The following DIP2A variants were observed in gnomAD, a reference collection of about 807,000 sequenced individuals.
The protein encoded by DIP2A is DIP2 acetate--CoA ligase A.
A neutral mutation model predicts 177.4 loss-of-function variants in DIP2A; 85 were observed. The ratio of observed to expected loss-of-function variants is 0.48; its 90% CI spans 0.40 to 0.57. The LOEUF is 0.57. DIP2A is among the 20% of genes least tolerant of loss of function. The pLI is 0.00. For synonymous variants in DIP2A, 886 were observed against 881.8 expected (o/e 1.00, Z -0.08); for missense variants, 1,791 against 2,100.2 (o/e 0.85, Z 2.88).
rs1332810508 is a variant in DIP2A, at chr21:46,563,112, A to G, written c.4090-746A>G. On this transcript the variant is annotated intron_variant, in intron 34 of 37. Coordinates refer to ENST00000417564, the MANE Select transcript of DIP2A (RefSeq NM_015151.4). This position sits in a 1 kb window ranked among gnomAD's most constrained non-coding sequence, Gnocchi z 4.3. ...GGGCTCAGCTGGGACATGCAGGGAG[A>G]AGATGGAGGCTCCAACAGCATCTGG... is the stretch of plus-strand genomic sequence containing the variant. 6.6e-6 allele frequency among the ~76,000 whole-genome samples: 1 copy of G among 151,984 alleles called. No homozygotes were observed. Among genetic ancestry groups the G allele is most frequent in the Non-Finnish European group, 1.5e-5 (1 of 67,990 alleles).
intron 1 of DIP2A, among the ~76,000 whole-genome samples, chr21:46,477,543 TTGTG>T (rs1555874551): frequency 2.3e-5 from 2 of 87,132 alleles, no homozygotes; most frequent in East Asian, 3.4e-4. Context: ...AAAAAAAGAT[TTGTG>T]TGTGTGTGTG....
intron 22 of DIP2A, 149 bp from the exon 23 acceptor site, chr21:46,550,394 C>T: frequency 1.4e-6 from 1 of 725,198 alleles, no homozygotes; most frequent in Non-Finnish European, 2.3e-6. Context: ...TTCTCTTCAT[C>T]TTGTTTCCTC....
chr21:46,521,175 A>G (rs980260211), intron 8 of DIP2A, among the ~76,000 whole-genome samples: 8 of 152,288 alleles, frequency 5.3e-5, no homozygotes, highest in African/African-American at 1.9e-4. Context: ...AAGGCAAACA[A>G]AAATCTTTGT....
At chr21:46,508,180 C>T (rs995449282) in intron 6 of DIP2A, among the ~76,000 whole-genome samples, 2 of 151,764 alleles carry the variant, frequency 1.3e-5, no homozygotes, top group Non-Finnish European at 2.9e-5. Context: ...ACTGCAGGCA[C>T]AAGCCACCAC....
downstream of DIP2A, among the ~76,000 whole-genome samples, chr21:46,571,788 G>A (rs2060970493): frequency 6.6e-6 from 1 of 152,194 alleles, no homozygotes; most frequent in Non-Finnish European, 1.5e-5. Context: ...ATCAGAGTAA[G>A]GAGATTTTGG....
chr21:46,488,107 G>A (rs900485127), intron 2 of DIP2A, among the ~76,000 whole-genome samples: 3 of 152,136 alleles, frequency 2.0e-5, no homozygotes, highest in Admixed American at 6.5e-5. Flanking sequence ...CAGAGTACAC[G>A]ACCCAGTCAG....
At chr21:46,571,978 G>A (rs566485120), downstream of DIP2A, among the ~76,000 whole-genome samples, 33 of 152,180 alleles carry the variant, frequency 2.2e-4, no homozygotes, top group Middle Eastern at 3.4e-3. Flanking sequence ...GTCTTGTGCC[G>A]GTTTTCAAAG....
At chr21:46,477,539 A>G (rs1312501151) in intron 1 of DIP2A, among the ~76,000 whole-genome samples, 1 of 32,534 alleles carries the variant, frequency 3.1e-5, no homozygotes, top group Non-Finnish European at 6.0e-5. Context: ...ATAAAAAAAA[A>G]GATTTGTGTG....
chr21:46,484,935 T>C lies in DIP2A; in HGVS notation c.163+107T>C, dbSNP rs533351735. On this transcript the variant is annotated intron_variant, in intron 2 of 37. Coordinates refer to ENST00000417564, the MANE Select transcript of DIP2A (RefSeq NM_015151.4). ...CATTTGTTAGCAATGTTAAACCAAC[T>C]TTAAACACTGGTATATGTTGATTAT... The C allele has an allele frequency of 1.9e-5, 20 of 1,049,144 alleles. No individual in the cohort carries two copies. In the South Asian group the frequency reaches 2.9e-4, roughly 15 times the overall value. 65.0% of individuals were successfully genotyped at this position (1,049,144 alleles called of 1,614,324 possible).
chr21:46,504,569 T>G, intron 6 of DIP2A, 80 bp downstream of exon 6: 2 of 1,484,568 alleles, frequency 1.3e-6, no homozygotes, highest in Non-Finnish European at 1.8e-6. Context: ...CTTTAATGTA[T>G]TCACTGTAGC....
rs767575862 is a variant in DIP2A at position 46,550,673 on chromosome 21, A to T, written c.2768A>T (p.His923Leu). The T allele has an allele frequency of 1.2e-6, 2 of 1,613,910 alleles. No homozygotes were observed. The highest frequency in any genetic ancestry group is 2.2e-5 in the South Asian group (2 of 91,058). ...TKQRFLEGTL[H>L]PCNVLMCPHT... ...CAGCGCTTTCTGGAAGGGACGCTGC[A>T]CCCGTGTAATGTGCTGATGTGCCCT... The change falls in exon 23 of 38, where the codon CAC (histidine) becomes CTC (leucine). Residue 923 changes from histidine to leucine, a missense_variant. Transcript: ENST00000417564.
chr21:46,533,402 C>G, intron 10 of DIP2A, 122 bp from the exon 11 acceptor site: 1 of 1,203,402 alleles, frequency 8.3e-7, no homozygotes, highest in South Asian at 1.8e-5. Flanking sequence ...CTGAATTATT[C>G]TGGAAGTTTT....
intron 1 of DIP2A, among the ~76,000 whole-genome samples, chr21:46,470,062 G>T (rs1439205197): frequency 6.6e-6 from 1 of 152,232 alleles, no homozygotes; most frequent in East Asian, 1.9e-4. Flanking sequence ...TTCAGGCCAG[G>T]TGCGGTGGCT....
chr21:46,503,465 G>T (rs959402531), intron 5 of DIP2A, among the ~76,000 whole-genome samples: 1 of 151,948 alleles, frequency 6.6e-6, no homozygotes. Flanking sequence ...ACTTTTTTGG[G>T]GGTTGTAGTA....
intron 37 of DIP2A, among the ~76,000 whole-genome samples, 170 bp downstream of exon 37, chr21:46,566,853 A>G (rs9976818): frequency 0.13 from 19,744 of 152,234 alleles, 1,794 homozygotes; most frequent in African/African-American, 0.26. Context: ...GATGAGCCCT[A>G]TCTACCTTGG....
intron 2 of DIP2A, among the ~76,000 whole-genome samples, chr21:46,488,355 C>A (rs1004567059): frequency 6.6e-6 from 1 of 152,060 alleles, no homozygotes; most frequent in Non-Finnish European, 1.5e-5. Flanking sequence ...AGATAGGAGA[C>A]CTGGGAGCTA....
chr21:46,505,671 A>G (rs1601564078), intron 6 of DIP2A, among the ~76,000 whole-genome samples: 1 of 152,166 alleles, frequency 6.6e-6, no homozygotes, highest in African/African-American at 2.4e-5. Context: ...TAGTGACCAT[A>G]TCCAGCACGC....
In DIP2A at chr21:46,563,003, C is replaced by A. The variant is rs1165574025; in HGVS notation, c.4090-855C>A. 6.6e-6 allele frequency among the ~76,000 whole-genome samples: 1 copy of A among 152,320 alleles called. No individual in the cohort carries two copies. Among genetic ancestry groups the A allele is most frequent in the Admixed American group, 6.5e-5 (1 of 15,306 alleles). On this transcript the variant is annotated intron_variant, in intron 34 of 37. Transcript: ENST00000417564. The surrounding 1 kb of genome is among the most constrained non-coding windows in gnomAD (Gnocchi z 4.3). ...GCACTGTAATTGTTTAGCTCACCCC[C>A]TTTTATTGGACGTTCTTTCCTATTT... is the stretch of plus-strand genomic sequence containing the variant.
At position 46,541,543 on chromosome 21, in the gene DIP2A, G is replaced by T. The variant is rs376523593; in HGVS notation, c.2037-213G>T. On this transcript the variant is annotated intron_variant, in intron 17 of 37. Coordinates refer to ENST00000417564, the MANE Select transcript of DIP2A (RefSeq NM_015151.4). ...CAGCATCACAACCACTGTAGTCACA[G>T]GCCCTTTTCCCACTGAGTGGAGTGT... Among the ~76,000 whole-genome samples the T allele has an allele frequency of 3.9e-5, 6 of 152,194 alleles. 1 individual carries two copies. The East Asian group carries it at 5.8e-4, about 15-fold the overall frequency.
Sources: allele counts gnomAD v4.1 joint callset (sites outside exome capture counted in the v4.1 genomes callset), GRCh38; gene constraint gnomAD v4.1.1; non-coding constraint Gnocchi (gnomAD v3.1); transcripts MANE v1.5; gene names NCBI Gene and HGNC (gene_info 2026-07-23, HGNC 2026-07-21).